The following GTF3C4 variants were observed in gnomAD, a reference collection of about 807,000 sequenced individuals.
GTF3C4 encodes the protein general transcription factor IIIC subunit 4, also known as general transcription factor 3C polypeptide 4.
In GTF3C4, 28 loss-of-function variants were observed where a neutral mutation model predicts 67.5. That is an observed-to-expected ratio of 0.41 (90% CI 0.31 to 0.57). The LOEUF (loss-of-function observed/expected upper bound fraction) is 0.57. GTF3C4 is among the 20% of genes least tolerant of loss of function. The pLI is 0.21. For missense variants in GTF3C4, 831 were observed against 1,033.2 expected, an observed-to-expected ratio of 0.80 and a Z score of 2.68; for synonymous variants, 409 against 393.0, an observed-to-expected ratio of 1.04 and a Z score of -0.48.
Position 132,684,423 on chromosome 9 carries a change from T to G in GTF3C4, c.2315+730T>G, listed in dbSNP as rs539899072. On this transcript the variant is annotated intron_variant, in intron 3 of 4. Coordinates refer to ENST00000372146, the MANE Select transcript of GTF3C4 (RefSeq NM_012204.4). Reference sequence around the variant, plus strand: ...ATTACACCTGTAGTTACCTTCCATCTGGTCTTCCCACTTCCATCCTTGCCC... The same window carrying G: ...ATTACACCTGTAGTTACCTTCCATCGGGTCTTCCCACTTCCATCCTTGCCC... 2.6e-5 allele frequency among the ~76,000 whole-genome samples: 4 copies of G among 152,338 alleles called. No homozygotes were observed. The South Asian group carries it at 6.2e-4, about 24-fold the overall frequency.
intron 1 of GTF3C4, among the ~76,000 whole-genome samples, chr9:132,676,518 A>G (rs551246352): frequency 1.0e-3 from 152 of 151,316 alleles, no homozygotes; most frequent in Non-Finnish European, 1.7e-3. Context: ...ATGGGGCCTC[A>G]CTATGTTGCC....
chr9:132,675,215 G>A (rs1231495757), intron 1 of GTF3C4, among the ~76,000 whole-genome samples: 12 of 152,162 alleles, frequency 7.9e-5, no homozygotes, highest in Non-Finnish European at 1.8e-4. Context: ...CGCACACAGA[G>A]CTGGTATGTA....
At chr9:132,672,796 G>A (rs1436451118) in intron 1 of GTF3C4, among the ~76,000 whole-genome samples, 1 of 152,200 alleles carries the variant, frequency 6.6e-6, no homozygotes, top group Non-Finnish European at 1.5e-5. Context: ...CTATAAAAGG[G>A]GGATAATGAA....
chr9:132,672,892 A>C (rs1483668517), intron 1 of GTF3C4, among the ~76,000 whole-genome samples: 1 of 152,242 alleles, frequency 6.6e-6, no homozygotes, highest in Non-Finnish European at 1.5e-5. Context: ...AGGTGAAAAT[A>C]TAATGAGTTG....
At position 132,692,216 on chromosome 9, in the gene GTF3C4, G is replaced by A. The variant is rs148688233; in HGVS notation, c.*3271G>A. 49 of 152,188 alleles carry A rather than the reference G, an allele frequency of 3.2e-4. No homozygotes were observed. The highest frequency in any genetic ancestry group is 1.2e-3 in the African/African-American group (48 of 41,518). 9.4% of individuals were successfully genotyped at this position (152,188 alleles called of 1,614,324 possible). ...CATTCCTTTAGTTCCCTCTGCTTTA[G>A]AACACAGATTACATGTTGGAAAGAA... On this transcript the variant is annotated 3_prime_UTR_variant, in exon 5 of 5. Transcript: ENST00000372146.
At position 132,670,715 on chromosome 9, in the gene GTF3C4, G is replaced by A; in HGVS notation, c.117G>A (p.Ala39=). ...GCGGGAAGGAGCCAGCAGCGGACGC[G>A]GCCCCGGGGCCCAGCGCTGCATTCC... ...EAGGKEPAAD[A]APGPSAAFRL... Residue 39 remains alanine, a synonymous_variant, in exon 1 of 5, where the codon GCG becomes GCA. Transcript: ENST00000372146. The A allele has an allele frequency of 6.6e-7, 1 of 1,524,598 alleles. No individual in the cohort carries two copies. Among genetic ancestry groups the A allele is most frequent in the Non-Finnish European group, 8.7e-7 (1 of 1,143,006 alleles). 94.4% of individuals were successfully genotyped at this position (1,524,598 alleles called of 1,614,324 possible).
upstream of GTF3C4, chr9:132,670,359 G>A (rs1017539520): frequency 1.5e-6 from 2 of 1,332,806 alleles, no homozygotes; most frequent in Admixed American, 3.2e-5. Context: ...TCCCTGGGCA[G>A]GGAAAAGGGG....
chr9:132,690,525 C>G lies in GTF3C4; in HGVS notation c.*1580C>G, dbSNP rs1836100794. On this transcript the variant is annotated 3_prime_UTR_variant, in exon 5 of 5. Transcript: ENST00000372146. ...CCCCACCCCGCATTGATAGGTAGTG[C>G]AGACCAGCCCTTGGAGGCACTTCTA... 1 of 121,008 alleles carries G rather than the reference C, an allele frequency of 8.3e-6. No homozygotes were observed. The highest frequency in any genetic ancestry group is 1.1e-4 in the Admixed American group (1 of 8,956). 7.5% of individuals were successfully genotyped at this position (121,008 alleles called of 1,614,324 possible). A position where few individuals can be genotyped will look rare whatever the true frequency, so the allele number is the denominator to read the frequency against.
intron 1 of GTF3C4, among the ~76,000 whole-genome samples, chr9:132,676,461 G>T (rs1297908484): frequency 6.6e-6 from 1 of 151,690 alleles, no homozygotes; most frequent in African/African-American, 2.4e-5. Flanking sequence ...TGGGGTTATG[G>T]GTGCCCACCA....
rs1427482246 is a variant in GTF3C4, at chr9:132,690,825, A to AT, written c.*1882dup. On this transcript the variant is annotated 3_prime_UTR_variant, in exon 5 of 5. Transcript: ENST00000372146. ...GTAAAAATTGAGATCATGTCAAAAAATTATTGCAGTTTTAATCATTATGGC... is the reference window on the plus strand; with the variant it reads ...GTAAAAATTGAGATCATGTCAAAAAATTTATTGCAGTTTTAATCATTATGGC... The AT allele has an allele frequency of 6.6e-6, 1 of 152,190 alleles. No homozygotes were observed. Among genetic ancestry groups the AT allele is most frequent in the Non-Finnish European group, 1.5e-5 (1 of 68,036 alleles). 9.4% of individuals were successfully genotyped at this position (152,190 alleles called of 1,614,324 possible). A position where few individuals can be genotyped will look rare whatever the true frequency, so the allele number is the denominator to read the frequency against.
intron 1 of GTF3C4, among the ~76,000 whole-genome samples, chr9:132,675,405 T>A (rs915771291): frequency 5.3e-5 from 8 of 152,216 alleles, no homozygotes; most frequent in Admixed American, 2.0e-4. Flanking sequence ...GCATTTTCAG[T>A]CTATGATTCT....
Position 132,678,310 on chromosome 9 carries a change from G to A in GTF3C4, c.691G>A (p.Gly231Arg). Residue 231 changes from glycine (G) to arginine (R), a missense_variant, in exon 2 of 5, where the codon GGA (glycine) becomes AGA (arginine). Physicochemically the swap from Gly to Arg is moderately radical, Grantham distance 125. Transcript: ENST00000372146. This position sits in a 1 kb window ranked among gnomAD's most constrained non-coding sequence, Gnocchi z 6.5. Reference protein sequence around the residue: ...YRLSKNEAPEGNLGDFAEFQR... With the variant: ...YRLSKNEAPERNLGDFAEFQR... ...GCTCTCTAAAAATGAGGCCCCGGAA[G>A]GAAATCTCGGGGATTTTGCTGAGTT... The A allele has an allele frequency of 6.2e-7, 1 of 1,614,208 alleles. No individual in the cohort carries two copies.
In GTF3C4 at chr9:132,694,675, CAG is replaced by C. The variant is rs991877217; in HGVS notation, c.*5732_*5733del. ...TAGTTATTACTTGTTAAAAGGGTAACAGAACCTCTGTTTCTTTACCAAGTCGC... is the reference window on the plus strand; with the variant it reads ...TAGTTATTACTTGTTAAAAGGGTAACAACCTCTGTTTCTTTACCAAGTCGC... On this transcript the variant is annotated 3_prime_UTR_variant, in exon 5 of 5. Coordinates refer to ENST00000372146, the MANE Select transcript of GTF3C4 (RefSeq NM_012204.4). The C allele has an allele frequency of 5.9e-5, 9 of 152,144 alleles. No homozygotes were observed. Among genetic ancestry groups the C allele is most frequent in the Non-Finnish European group, 1.3e-4 (9 of 68,012 alleles). 9.4% of individuals were successfully genotyped at this position (152,144 alleles called of 1,614,324 possible).
At chr9:132,674,490 A>T (rs2130894077) in intron 1 of GTF3C4, among the ~76,000 whole-genome samples, 1 of 152,238 alleles carries the variant, frequency 6.6e-6, no homozygotes, top group East Asian at 1.9e-4. Context: ...CACAATGAGT[A>T]GGACCAAGGG....
chr9:132,680,592 CT>C (rs1369094059), intron 2 of GTF3C4, among the ~76,000 whole-genome samples: 5 of 152,216 alleles, frequency 3.3e-5, no homozygotes, highest in African/African-American at 1.2e-4. Context: ...ACTTCAAAGA[CT>C]GATACTTACT....
rs1451119288 is a variant in GTF3C4, at chr9:132,689,603, A to G, written c.*658A>G. On this transcript the variant is annotated 3_prime_UTR_variant, in exon 5 of 5. Coordinates refer to ENST00000372146, the MANE Select transcript of GTF3C4 (RefSeq NM_012204.4). ...GATCTGGTGACTATTATAATGAATA[A>G]TTGTGACTTATTTTTCATTCTCTCC... 2.0e-5 allele frequency: 3 copies of G among 152,328 alleles called. No homozygotes were observed. Among genetic ancestry groups the G allele is most frequent in the African/African-American group, 7.2e-5 (3 of 41,422 alleles). The allele number at this position is 152,328 out of a possible 1,614,324, so 9.4% of individuals were successfully genotyped here. A position where few individuals can be genotyped will look rare whatever the true frequency, so the allele number is the denominator to read the frequency against.
rs1836159259 is a variant in GTF3C4, at chr9:132,694,057, A to T, written c.*5112A>T. 6.6e-6 allele frequency: 1 copy of T among 152,048 alleles called. No homozygotes were observed. Among genetic ancestry groups the T allele is most frequent in the Non-Finnish European group, 1.5e-5 (1 of 68,010 alleles). The allele number at this position is 152,048 out of a possible 1,614,324, so 9.4% of individuals were successfully genotyped here. ...AAAAACATAAGGTTTTGGAAAGGAGATGCTTTTTCAATTCTTACCATCTGA... is the reference window on the plus strand; with the variant it reads ...AAAAACATAAGGTTTTGGAAAGGAGTTGCTTTTTCAATTCTTACCATCTGA... On this transcript the variant is annotated 3_prime_UTR_variant, in exon 5 of 5. Coordinates refer to ENST00000372146, the MANE Select transcript of GTF3C4 (RefSeq NM_012204.4).
At chr9:132,686,960 G>C (rs998273746) in intron 3 of GTF3C4, among the ~76,000 whole-genome samples, 1 of 152,142 alleles carries the variant, frequency 6.6e-6, no homozygotes, top group Non-Finnish European at 1.5e-5. Context: ...TTTAAAGTGC[G>C]GTCAGGTGTG....
chr9:132,683,758 A>G (rs1165741399), intron 3 of GTF3C4, 65 bp downstream of exon 3: 21 of 1,428,644 alleles, frequency 1.5e-5, no homozygotes, highest in Non-Finnish European at 2.0e-5. Context: ...AAACTACTGT[A>G]TGTGACAGAA....
Sources: allele counts gnomAD v4.1 joint callset (sites outside exome capture counted in the v4.1 genomes callset), GRCh38; gene constraint gnomAD v4.1.1; non-coding constraint Gnocchi (gnomAD v3.1); transcripts MANE v1.5; gene names NCBI Gene and HGNC (gene_info 2026-07-23, HGNC 2026-07-21).